MIGA1: variants seen among roughly 807,000 people sequenced by gnomAD.
The protein encoded by MIGA1 is mitoguardin 1, also known as family with sequence similarity 73, member A.
In MIGA1, 58 loss-of-function variants were observed where a neutral mutation model predicts 82.0. The observed-to-expected ratio is 0.71, with a 90% CI of 0.57 to 0.88. The LOEUF (loss-of-function observed/expected upper bound fraction) is 0.88. Among genes scored for constraint, MIGA1 ranks in the 40% least tolerant of loss-of-function variants. The probability of loss-of-function intolerance (pLI) is 0.00; values close to 1 mark genes in which losing one functional copy is unlikely to be tolerated. For missense variants in MIGA1, 751 were observed against 749.1 expected, an observed-to-expected ratio of 1.00 and a Z score of -0.03; for synonymous variants, 249 against 253.6, an observed-to-expected ratio of 0.98 and a Z score of 0.17.
chr1:77,805,733 G>C, intron 4 of MIGA1, among the ~76,000 whole-genome samples: 1 of 151,648 alleles, frequency 6.6e-6, no homozygotes, highest in East Asian at 1.9e-4. Context: ...ATGTTGGCTT[G>C]GCTGGTCTCG....
chr1:77,836,438 A>C (rs1160570774), intron 7 of MIGA1, among the ~76,000 whole-genome samples: 1 of 152,234 alleles, frequency 6.6e-6, no homozygotes, highest in East Asian at 1.9e-4. Flanking sequence ...GTATTAAAAA[A>C]AATGTGCTTA....
At chr1:77,783,904 GA>G (rs1433397157) in intron 2 of MIGA1, among the ~76,000 whole-genome samples, 3 of 152,112 alleles carry the variant, frequency 2.0e-5, no homozygotes, top group African/African-American at 7.2e-5. Context: ...CTCACAAGTA[GA>G]ACCCTACAGA....
intron 2 of MIGA1, among the ~76,000 whole-genome samples, chr1:77,791,826 A>G (rs1305612108): frequency 6.6e-6 from 1 of 151,930 alleles, no homozygotes; most frequent in Admixed American, 6.6e-5. Context: ...AGCCTCCCAA[A>G]GTGGTGGGAT....
chr1:77,790,360 G>A (rs769859750), intron 2 of MIGA1, among the ~76,000 whole-genome samples: 10 of 152,070 alleles, frequency 6.6e-5, no homozygotes, highest in African/African-American at 2.2e-4. Flanking sequence ...TCCGCCTCCC[G>A]GGTTCAAGTG....
At chr1:77,850,791 G>A (rs1685015740) in intron 8 of MIGA1, among the ~76,000 whole-genome samples, 1 of 152,100 alleles carries the variant, frequency 6.6e-6, no homozygotes, top group South Asian at 2.1e-4. Flanking sequence ...TGCTTCATAT[G>A]TGGGAATTAT....
chr1:77,820,745 A>C (rs779683226), intron 7 of MIGA1, among the ~76,000 whole-genome samples: 31 of 152,310 alleles, frequency 2.0e-4, no homozygotes, highest in Non-Finnish European at 4.3e-4. Flanking sequence ...TCCATTAAAA[A>C]AAATTTCTTC....
At chr1:77,810,928 T>C (rs530863280) in intron 5 of MIGA1, 10 of 1,611,944 alleles carry the variant, frequency 6.2e-6, no homozygotes, top group Non-Finnish European at 7.6e-6. Context: ...TTGCAATTTC[T>C]TTCTTTTAAA....
At chr1:77,874,410 T>G (rs1646877719) in intron 15 of MIGA1, among the ~76,000 whole-genome samples, 1 of 152,124 alleles carries the variant, frequency 6.6e-6, no homozygotes, top group African/African-American at 2.4e-5. Context: ...TATTTAAAAC[T>G]ATTACTGGAA....
Position 77,805,195 on chromosome 1 carries a change from C to T in MIGA1, c.511-1780C>T, listed in dbSNP as rs961667956. 7.2e-5 allele frequency among the ~76,000 whole-genome samples: 11 copies of T among 151,784 alleles called. 1 individual carries two copies. Among genetic ancestry groups the T allele is most frequent in the Non-Finnish European group, 1.5e-4 (10 of 67,952 alleles). ...ATTTTTTAGTAGAGACGGGGTTTCA[C>T]CGTGTTAGCCAGGATGGTCTTGATC... On this transcript the variant is annotated intron_variant, in intron 4 of 15. Coordinates refer to ENST00000370791, the MANE Select transcript of MIGA1 (RefSeq NM_198549.4).
chr1:77,817,763 T>C (rs192983281), intron 7 of MIGA1, among the ~76,000 whole-genome samples: 1 of 152,288 alleles, frequency 6.6e-6, no homozygotes, highest in East Asian at 1.9e-4. Context: ...TTTAACTTAC[T>C]GAGAGGCAAC....
At chr1:77,828,591 T>A (rs1684118846) in intron 7 of MIGA1, among the ~76,000 whole-genome samples, 1 of 152,364 alleles carries the variant, frequency 6.6e-6, no homozygotes, top group East Asian at 1.9e-4. Flanking sequence ...GAGGAAAATA[T>A]AATGTATGGT....
chr1:77,861,476 C>T, intron 12 of MIGA1, 154 bp downstream of exon 12: 3 of 565,670 alleles, frequency 5.3e-6, no homozygotes, highest in Non-Finnish European at 9.3e-6. Context: ...AACCACACTC[C>T]TTGTACGTTG....
At chr1:77,826,650 A>AT (rs1684036886) in intron 7 of MIGA1, among the ~76,000 whole-genome samples, 1 of 151,894 alleles carries the variant, frequency 6.6e-6, no homozygotes, top group Non-Finnish European at 1.5e-5. Context: ...TAATTTTTTA[A>AT]TTTTTTGTAG....
At chr1:77,811,876 G>A in intron 5 of MIGA1, 6 of 1,448,226 alleles carry the variant, frequency 4.1e-6, no homozygotes, top group Non-Finnish European at 5.4e-6. Context: ...CATTAACAGG[G>A]CCAGGAGGAA....
chr1:77,866,673 T>G (rs1415094570), intron 14 of MIGA1, among the ~76,000 whole-genome samples: 1 of 147,686 alleles, frequency 6.8e-6, no homozygotes, highest in African/African-American at 2.5e-5. Context: ...GTTTTTTCTC[T>G]TAATGATATT....
intron 2 of MIGA1, among the ~76,000 whole-genome samples, chr1:77,798,580 C>T (rs775660698): frequency 5.9e-5 from 9 of 152,148 alleles, no homozygotes; most frequent in Non-Finnish European, 1.3e-4. Context: ...AATTATCTCC[C>T]ACGGGGGCCA....
chr1:77,867,359 C>G (rs1685709701), intron 14 of MIGA1, among the ~76,000 whole-genome samples: 1 of 152,202 alleles, frequency 6.6e-6, no homozygotes, highest in Admixed American at 6.5e-5. Flanking sequence ...GGGTCTTGCT[C>G]TGTCATTCAG....
chr1:77,813,439 C>T (rs1683437296), intron 5 of MIGA1, among the ~76,000 whole-genome samples: 1 of 152,162 alleles, frequency 6.6e-6, no homozygotes, highest in African/African-American at 2.4e-5. Context: ...TGTGGAACTT[C>T]TGATGAATTC....
At chr1:77,815,012 C>A in intron 6 of MIGA1, 96 bp from the exon 7 acceptor site, 1 of 822,272 alleles carries the variant, frequency 1.2e-6, no homozygotes, top group Non-Finnish European at 1.7e-6. Context: ...TTTTATATTA[C>A]TCACTTTCTT....
Sources: gnomAD v4.1 joint callset for allele counts (sites outside exome capture counted in the v4.1 genomes callset) on GRCh38, gnomAD v4.1.1 for gene constraint, MANE v1.5 for transcripts, NCBI Gene and HGNC (gene_info 2026-07-23, HGNC 2026-07-21) for gene names.